Variants in TLL1 observed in about 807,000 individuals in gnomAD.
The protein encoded by TLL1 is tolloid-like protein 1.
A neutral mutation model predicts 128.2 loss-of-function variants in TLL1; 49 were observed. The observed-to-expected ratio is 0.38, with a 90% CI of 0.30 to 0.48. TLL1 has a LOEUF of 0.48. Ranked by LOEUF, TLL1 falls within the 20% of genes least tolerant of loss-of-function variation. TLL1 has a pLI of 0.96. For synonymous variants in TLL1, 454 were observed against 418.8 expected, an observed-to-expected ratio of 1.08 and a Z score of -1.03; for missense variants, 1,123 against 1,242.0, an observed-to-expected ratio of 0.90 and a Z score of 1.44.
intron 12 of TLL1, among the ~76,000 whole-genome samples, chr4:166,048,362 C>T (rs536328898): frequency 1.3e-5 from 2 of 152,136 alleles, no homozygotes; most frequent in African/African-American, 4.8e-5. Context: ...CTTGAACTTC[C>T]AGCCTTGAAA....
chr4:166,101,057 A>G lies in TLL1; in HGVS notation c.*181A>G. On this transcript the variant is annotated 3_prime_UTR_variant, in exon 21 of 21. Coordinates refer to ENST00000061240, the MANE Select transcript of TLL1 (RefSeq NM_012464.5). Reference sequence around the variant, plus strand: ...TTCCAGCAAAACCCTCATCAGCATTACAAGGATATTTGAACTCCATGCTTG... The same window carrying G: ...TTCCAGCAAAACCCTCATCAGCATTGCAAGGATATTTGAACTCCATGCTTG... 1 of 706,800 alleles carries G rather than the reference A, an allele frequency of 1.4e-6. No homozygotes were observed. The highest frequency in any genetic ancestry group is 2.3e-6 in the Non-Finnish European group (1 of 438,292). 43.8% of individuals were successfully genotyped at this position (706,800 alleles called of 1,614,324 possible).
At chr4:166,073,567 A>G (rs1740886389) in intron 16 of TLL1, among the ~76,000 whole-genome samples, 1 of 152,272 alleles carries the variant, frequency 6.6e-6, no homozygotes, top group African/African-American at 2.4e-5. Flanking sequence ...TAGGTGGAGA[A>G]CACATAAATC....
intron 1 of TLL1, among the ~76,000 whole-genome samples, chr4:165,951,384 C>A (rs6812849): frequency 0.15 from 22,425 of 151,980 alleles, 4,597 homozygotes; most frequent in African/African-American, 0.46. Context: ...GGGGAATCTT[C>A]GACTCAGACT....
At chr4:165,996,504 C>G (rs929844353) in intron 5 of TLL1, among the ~76,000 whole-genome samples, 15 of 152,010 alleles carry the variant, frequency 9.9e-5, no homozygotes, top group Admixed American at 8.5e-4. Context: ...GAGGCTAAGG[C>G]AGGAGAATAG....
chr4:166,025,230 C>CA lies in TLL1; in HGVS notation c.1043-79dup, dbSNP rs543602331. The CA allele has an allele frequency of 2.3e-5, 22 of 977,694 alleles. No homozygotes were observed. The African/African-American group carries it at 2.4e-4, about 11-fold the overall frequency. The allele number at this position is 977,694 out of a possible 1,614,324, so 60.6% of individuals were successfully genotyped here. On this transcript the variant is annotated intron_variant, in intron 8 of 20. Transcript: ENST00000061240. The stretch of plus-strand genomic sequence containing the variant: ...ACAAACATTTAGTCTTGTCTACTAC[C>CA]AAAAAAACCCTTCATGGCTTTGTTT...
At chr4:165,928,472 A>G (rs944920197) in intron 1 of TLL1, among the ~76,000 whole-genome samples, 8 of 152,214 alleles carry the variant, frequency 5.3e-5, no homozygotes, top group African/African-American at 1.9e-4. Context: ...GAAGGAGAGT[A>G]GGGATTTGCC....
At chr4:165,894,112 G>A (rs1731547857) in intron 1 of TLL1, among the ~76,000 whole-genome samples, 1 of 152,112 alleles carries the variant, frequency 6.6e-6, no homozygotes, top group African/African-American at 2.4e-5. Flanking sequence ...ATAGATTGGA[G>A]CAGGGGAGGA....
At chr4:166,089,057 G>T (rs1741646844) in intron 18 of TLL1, among the ~76,000 whole-genome samples, 2 of 152,060 alleles carry the variant, frequency 1.3e-5, no homozygotes, top group African/African-American at 4.8e-5. Context: ...TATGCAGCAG[G>T]TTTCCCTGGT....
rs148481576 is a variant in TLL1, at chr4:166,009,620, C to G, written c.917+1572C>G. On this transcript the variant is annotated intron_variant, in intron 7 of 20. Transcript: ENST00000061240. ...CCTATGCATTTTTCATAAATAAACTCAACACTTTTACAATACAGGAGATCA... is the reference window on the plus strand; with the variant it reads ...CCTATGCATTTTTCATAAATAAACTGAACACTTTTACAATACAGGAGATCA... Among the ~76,000 whole-genome samples, 587 of 151,464 alleles carry G rather than the reference C, an allele frequency of 3.9e-3. 3 individuals are homozygous for G. Among genetic ancestry groups the G allele is most frequent in the African/African-American group, 0.014 (568 of 41,442 alleles).
intron 1 of TLL1, among the ~76,000 whole-genome samples, chr4:165,911,492 C>A (rs1347632236): frequency 1.3e-5 from 2 of 152,096 alleles, no homozygotes; most frequent in African/African-American, 2.4e-5. Flanking sequence ...ATAGTCTAAG[C>A]CTAAAATCGT....
chr4:166,072,829 G>A (rs557339640), intron 16 of TLL1, among the ~76,000 whole-genome samples: 5 of 152,084 alleles, frequency 3.3e-5, no homozygotes, highest in Admixed American at 3.3e-4. Context: ...CAATAAAAGG[G>A]TGATTCAGGC....
At chr4:165,969,549 G>A (rs1735540402) in intron 1 of TLL1, among the ~76,000 whole-genome samples, 1 of 152,060 alleles carries the variant, frequency 6.6e-6, no homozygotes, top group Non-Finnish European at 1.5e-5. Context: ...TTTAAACCAA[G>A]TTCTGAGAAA....
chr4:165,926,329 T>C (rs1235172266), intron 1 of TLL1, among the ~76,000 whole-genome samples: 1 of 152,204 alleles, frequency 6.6e-6, no homozygotes, highest in African/African-American at 2.4e-5. Context: ...GGAAGATTTC[T>C]GGTTAAAAAC....
In TLL1 at chr4:166,055,287, T is replaced by C. The variant is rs747681302; in HGVS notation, c.1720+16T>C. 3.7e-6 allele frequency: 6 copies of C among 1,609,458 alleles called. No individual in the cohort carries two copies. In the African/African-American group the frequency reaches 6.7e-5, roughly 18 times the overall value. On this transcript the variant is annotated intron_variant, in intron 13 of 20. Transcript: ENST00000061240. Reference sequence around the variant, plus strand: ...TTTTTTAAAGGTAATTTGAAATAATTTTCAAACGTGAGATTTTCTTTATCA... The same window carrying C: ...TTTTTTAAAGGTAATTTGAAATAATCTTCAAACGTGAGATTTTCTTTATCA...
At chr4:166,031,342 A>T (rs2111079251) in intron 9 of TLL1, among the ~76,000 whole-genome samples, 1 of 151,196 alleles carries the variant, frequency 6.6e-6, no homozygotes, top group South Asian at 2.1e-4. Context: ...TAAATTTTAT[A>T]AATTATGGCG....
At chr4:165,905,775 G>A (rs1050321129) in intron 1 of TLL1, among the ~76,000 whole-genome samples, 2 of 152,140 alleles carry the variant, frequency 1.3e-5, no homozygotes, top group African/African-American at 4.8e-5. Flanking sequence ...TAGGATTAGG[G>A]GTTGAAGTGA....
At chr4:165,908,963 G>A (rs112815222) in intron 1 of TLL1, among the ~76,000 whole-genome samples, 6,044 of 152,230 alleles carry the variant, frequency 0.04, 386 homozygotes, top group African/African-American at 0.13. Flanking sequence ...TTAGGAGGCC[G>A]AGGCAGGCTG....
At chr4:165,899,776 T>G (rs534983939) in intron 1 of TLL1, among the ~76,000 whole-genome samples, 1 of 152,298 alleles carries the variant, frequency 6.6e-6, no homozygotes, top group East Asian at 1.9e-4. Flanking sequence ...CTGAATATCC[T>G]TGATAATTTT....
intron 15 of TLL1, among the ~76,000 whole-genome samples, chr4:166,061,208 C>T (rs1303100274): frequency 1.3e-5 from 2 of 150,798 alleles, no homozygotes; most frequent in Non-Finnish European, 3.0e-5. Flanking sequence ...TTTTCTTCTT[C>T]CTTTTTTACT....
Sources: allele counts gnomAD v4.1 joint callset (sites outside exome capture counted in the v4.1 genomes callset), GRCh38; gene constraint gnomAD v4.1.1; transcripts MANE v1.5; gene names NCBI Gene and HGNC (gene_info 2026-07-23, HGNC 2026-07-21).